The following PLEK variants were observed in gnomAD, a reference collection of about 807,000 sequenced individuals.
PLEK encodes pleckstrin, also known as platelet 47 kDa protein.
A neutral mutation model predicts 43.9 loss-of-function variants in PLEK; 25 were observed. That is an observed-to-expected ratio of 0.57 (90% CI 0.41 to 0.79). PLEK has a LOEUF of 0.79. PLEK is among the 30% of genes least tolerant of loss of function. PLEK has a pLI of 0.00. For missense variants in PLEK, 396 were observed against 413.3 expected, an observed-to-expected ratio of 0.96 and a Z score of 0.36; for synonymous variants, 152 against 144.4, an observed-to-expected ratio of 1.05 and a Z score of -0.38.
chr2:68,394,324 C>T (rs560503288), intron 8 of PLEK, 148 bp downstream of exon 8: 1 of 659,662 alleles, frequency 1.5e-6, no homozygotes. Context: ...GTAATCCCGG[C>T]ACTTTGGGAG....
Position 68,395,702 on chromosome 2 carries a change from C to T in PLEK, c.939C>T (p.Asn313=). The T allele has an allele frequency of 6.2e-7, 1 of 1,614,002 alleles. No homozygotes were observed. Among genetic ancestry groups the T allele is most frequent in the Non-Finnish European group, 8.5e-7 (1 of 1,179,950 alleles). The change falls in exon 9 of 9, where the codon AAC becomes AAT. Residue 313 remains asparagine (N), a synonymous_variant. Coordinates refer to ENST00000234313, the MANE Select transcript of PLEK (RefSeq NM_002664.3). The part of the protein sequence containing the change: ...NSNGRKSEEE[N]LFEIITADEV... ...CAGGCAGGAAGAGTGAGGAAGAGAA[C>T]CTTTTTGAGATCATCACAGCAGATG...
chr2:68,386,296 C>T (rs1055797070), intron 4 of PLEK, among the ~76,000 whole-genome samples: 1 of 152,026 alleles, frequency 6.6e-6, no homozygotes, highest in Non-Finnish European at 1.5e-5. Context: ...TGTAGATGTT[C>T]TTAAAAACCC....
intron 6 of PLEK, among the ~76,000 whole-genome samples, chr2:68,391,624 CATTTCTG>C (rs1573081680): frequency 6.6e-6 from 1 of 152,172 alleles, no homozygotes; most frequent in Non-Finnish European, 1.5e-5. Context: ...AACTTAGGCC[CATTTCTG>C]AAAGCTTCCT....
chr2:68,391,881 CAT>C (rs1369144199), intron 6 of PLEK, among the ~76,000 whole-genome samples: 1 of 152,154 alleles, frequency 6.6e-6, no homozygotes, highest in Non-Finnish European at 1.5e-5. Context: ...TGTGGGAAAT[CAT>C]AGAGTCAGGT....
At chr2:68,371,372 G>C (rs6713066) in intron 1 of PLEK, among the ~76,000 whole-genome samples, 24,755 of 152,160 alleles carry the variant, frequency 0.16, 2,569 homozygotes, top group African/African-American at 0.3. Flanking sequence ...CAGTTAGAGA[G>C]ATGATACCAT....
At position 68,382,502 on chromosome 2, in the gene PLEK, T is replaced by G. The variant is rs75789968; in HGVS notation, c.381-40T>G. The G allele has an allele frequency of 2.0e-3, 2,394 of 1,216,098 alleles. 8 individuals are homozygous for G. Among genetic ancestry groups the G allele is most frequent in the Middle Eastern group, 0.013 (65 of 4,950 alleles). 75.3% of individuals were successfully genotyped at this position (1,216,098 alleles called of 1,614,324 possible). A position where few individuals can be genotyped will look rare whatever the true frequency, so the allele number is the denominator to read the frequency against. On this transcript the variant is annotated intron_variant, in intron 3 of 8. Transcript: ENST00000234313. Reference sequence around the variant, plus strand: ...TCCCCACTCATCCAACTGGGTTTTTTTTTGTTTGTTTGTTTGTTTGCTTTT... The same window carrying G: ...TCCCCACTCATCCAACTGGGTTTTTGTTTGTTTGTTTGTTTGTTTGCTTTT...
At chr2:68,395,143 T>C (rs1673940936) in intron 8 of PLEK, among the ~76,000 whole-genome samples, 1 of 152,002 alleles carries the variant, frequency 6.6e-6, no homozygotes, top group Non-Finnish European at 1.5e-5. Flanking sequence ...TAACTTGTGG[T>C]ACTGTTGGTA....
chr2:68,366,307 T>A (rs1673273305), intron 1 of PLEK, among the ~76,000 whole-genome samples: 1 of 152,252 alleles, frequency 6.6e-6, no homozygotes, highest in Non-Finnish European at 1.5e-5. Flanking sequence ...TTGTTTCACG[T>A]TTTAACCTAC....
intron 1 of PLEK, among the ~76,000 whole-genome samples, chr2:68,379,379 C>T (rs1413526989): frequency 6.6e-6 from 1 of 152,070 alleles, no homozygotes; most frequent in Non-Finnish European, 1.5e-5. Flanking sequence ...TTCTGACTAA[C>T]CCTCCCAAGA....
intron 3 of PLEK, among the ~76,000 whole-genome samples, chr2:68,381,867 T>C (rs1437699700): frequency 6.6e-6 from 1 of 152,106 alleles, no homozygotes; most frequent in Non-Finnish European, 1.5e-5. Flanking sequence ...GGCCATCGAG[T>C]GACCACAGTC....
At chr2:68,367,735 T>C (rs1673311185) in intron 1 of PLEK, among the ~76,000 whole-genome samples, 1 of 152,358 alleles carries the variant, frequency 6.6e-6, no homozygotes, top group Middle Eastern at 3.4e-3. Context: ...AATGGGGCTA[T>C]GTACTGGTTC....
Position 68,380,494 on chromosome 2 carries a change from A to G in PLEK, c.198+11A>G, listed in dbSNP as rs773839474. ...TTTGGCAAAAGGATGGTAAGTTGAC[A>G]TCATGAGCTGCCGTGAACCCCTGGT... On this transcript the variant is annotated intron_variant, in intron 2 of 8. Transcript: ENST00000234313. 1.9e-6 allele frequency: 3 copies of G among 1,612,362 alleles called. No individual in the cohort carries two copies. The Admixed American group carries it at 5.0e-5, about 27-fold the overall frequency.
rs992158547 is a variant in PLEK at position 68,389,126 on chromosome 2, C to T, written c.762+635C>T. Reference sequence around the variant, plus strand: ...CTGGAGAGTGCTGAGGAGCTCTAGTCGGTTACCAGGTGCCAAGGCATATGA... The same window carrying T: ...CTGGAGAGTGCTGAGGAGCTCTAGTTGGTTACCAGGTGCCAAGGCATATGA... On this transcript the variant is annotated intron_variant, in intron 6 of 8. Coordinates refer to ENST00000234313, the MANE Select transcript of PLEK (RefSeq NM_002664.3). Among the ~76,000 whole-genome samples the T allele has an allele frequency of 4.7e-4, 71 of 152,280 alleles. 1 individual carries two copies. Among genetic ancestry groups the T allele is most frequent in the African/African-American group, 1.6e-3 (66 of 41,558 alleles).
At chr2:68,374,360 G>A (rs1673464059) in intron 1 of PLEK, among the ~76,000 whole-genome samples, 1 of 152,102 alleles carries the variant, frequency 6.6e-6, no homozygotes, top group South Asian at 2.1e-4. Flanking sequence ...TGATTCAATC[G>A]AGGACAATTC....
Position 68,395,730 on chromosome 2 carries a change from G to A in PLEK, c.967G>A (p.Val323Met), listed in dbSNP as rs1263178801. The A allele has an allele frequency of 6.2e-7, 1 of 1,613,846 alleles. No homozygotes were observed. The highest frequency in any genetic ancestry group is 8.5e-7 in the Non-Finnish European group (1 of 1,179,870). ...TTTTGAGATCATCACAGCAGATGAA[G>A]TGCACTATTTCTTGCAAGCAGCCAC... ...NLFEIITADE[V>M]HYFLQAATPK... The change falls in exon 9 of 9, where the codon GTG becomes ATG. Residue 323 changes from valine (V) to methionine (M), a missense_variant. Transcript: ENST00000234313.
chr2:68,368,751 C>T (rs139332596), intron 1 of PLEK, among the ~76,000 whole-genome samples: 118 of 152,340 alleles, frequency 7.7e-4, no homozygotes, highest in Admixed American at 2.4e-3. Flanking sequence ...AACCTAGACT[C>T]CTCCAAGTCA....
Position 68,382,541 on chromosome 2 carries a change from G to T in PLEK, c.381-1G>T. 1.3e-6 allele frequency: 2 copies of T among 1,539,432 alleles called. No homozygotes were observed. The highest frequency in any genetic ancestry group is 1.8e-6 in the Non-Finnish European group (2 of 1,113,720). On this transcript the variant is annotated splice_acceptor_variant, in intron 3 of 8. Coordinates refer to ENST00000234313, the MANE Select transcript of PLEK (RefSeq NM_002664.3). LOFTEE classifies it high-confidence loss of function. ...TTGTTTGCTTTTTTATCTCTGTGCA[G>T]TGCCTTATATTTGTCCATGAAAGAC...
chr2:68,395,561 A>T, intron 8 of PLEK, 119 bp from the exon 9 acceptor site: 1 of 1,013,996 alleles, frequency 9.9e-7, no homozygotes, highest in Non-Finnish European at 1.5e-6. Flanking sequence ...TTTGAAAGCC[A>T]CATAGTCAAT....
rs368479855 is a variant in PLEK at position 68,380,429 on chromosome 2, C to T, written c.144C>T (p.Ile48=). Residue 48 remains isoleucine, a synonymous_variant, in exon 2 of 9, where the codon ATC becomes ATT. Transcript: ENST00000234313. ...KKSDNSPKGM[I]PLKGSTLTSP... is the part of the protein sequence containing the mutation. ...GTGACAACAGCCCCAAAGGAATGAT[C>T]CCGCTGAAAGGGAGCACTCTGACTA... 3 of 1,613,932 alleles carry T rather than the reference C, an allele frequency of 1.9e-6. No homozygotes were observed. Among genetic ancestry groups the T allele is most frequent in the Non-Finnish European group, 8.5e-7 (1 of 1,179,830 alleles).
Sources: gnomAD v4.1 joint callset for allele counts (sites outside exome capture counted in the v4.1 genomes callset) on GRCh38, gnomAD v4.1.1 for gene constraint, MANE v1.5 for transcripts, NCBI Gene and HGNC (gene_info 2026-07-23, HGNC 2026-07-21) for gene names.